Variants in SLC36A1 observed in about 807,000 individuals in gnomAD.
SLC36A1 encodes the protein solute carrier family 36 member 1.
In SLC36A1, 30 loss-of-function variants were observed where a neutral mutation model predicts 47.5. That is an observed-to-expected ratio of 0.63 (90% CI 0.47 to 0.86). The LOEUF is 0.86. Ranked by LOEUF, SLC36A1 falls within the 40% of genes least tolerant of loss-of-function variation. The pLI, the probability that SLC36A1 is intolerant of heterozygous loss-of-function variation, is 0.00. For missense variants in SLC36A1, 517 were observed against 606.0 expected (o/e 0.85, Z 1.54); for synonymous variants, 255 against 249.7 (o/e 1.02, Z -0.20).
chr5:151,480,133 A>AT (rs1297645055), intron 10 of SLC36A1: 37 of 1,447,316 alleles, frequency 2.6e-5, no homozygotes, highest in East Asian at 5.1e-5. Context: ...ATAAAAGTAA[A>AT]TTTTTTTTGT....
At chr5:151,350,640 A>AG in the SLC36A1 span, among the ~76,000 whole-genome samples, 3 of 152,148 alleles carry the variant, frequency 2.0e-5, no homozygotes, top group Admixed American at 2.0e-4. Flanking sequence ...CCATTAAAAA[A>AG]AAGAGAATAT....
At chr5:151,476,940 A>G in intron 9 of SLC36A1, 184 bp downstream of exon 9, 1 of 769,170 alleles carries the variant, frequency 1.3e-6, no homozygotes, top group Non-Finnish European at 2.2e-6. Flanking sequence ...GAATTCATGT[A>G]GAGCCTTCTG....
At chr5:151,470,318 C>T (rs941243285) in intron 7 of SLC36A1, among the ~76,000 whole-genome samples, 1 of 152,300 alleles carries the variant, frequency 6.6e-6, no homozygotes, top group East Asian at 1.9e-4. Context: ...TGCAGGTAGT[C>T]GGGCTGTGGT....
chr5:151,399,084 A>ATATATATTTTTTTTTT, the SLC36A1 span, among the ~76,000 whole-genome samples: 2 of 60,066 alleles, frequency 3.3e-5, no homozygotes, highest in African/African-American at 5.6e-5. Context: ...ATATATATAT[A>ATATATATTTTTTTTTT]TTTTTTTTTT....
chr5:151,372,191 G>C, the SLC36A1 span, among the ~76,000 whole-genome samples: 1 of 152,134 alleles, frequency 6.6e-6, no homozygotes, highest in Non-Finnish European at 1.5e-5. Context: ...TCTCTCAGTT[G>C]TTGTCCTGGT....
At chr5:151,528,306 G>C in the SLC36A1 span, among the ~76,000 whole-genome samples, 1 of 152,154 alleles carries the variant, frequency 6.6e-6, no homozygotes, top group South Asian at 2.1e-4. Flanking sequence ...GTGGACTTCA[G>C]CATGCCATGG....
the SLC36A1 span, among the ~76,000 whole-genome samples, chr5:151,514,928 T>C: frequency 6.6e-6 from 1 of 152,238 alleles, no homozygotes; most frequent in African/African-American, 2.4e-5. Flanking sequence ...CATGGTGTTA[T>C]TGCTCTAATC....
At chr5:151,369,890 A>T in the SLC36A1 span, among the ~76,000 whole-genome samples, 2 of 152,046 alleles carry the variant, frequency 1.3e-5, no homozygotes, top group African/African-American at 4.8e-5. Flanking sequence ...CGCCTCCCAG[A>T]TTCAAGCCAT....
intron 3 of SLC36A1, among the ~76,000 whole-genome samples, 155 bp from the exon 4 acceptor site, chr5:151,464,359 G>C (rs1341672084): frequency 6.6e-6 from 1 of 152,182 alleles, no homozygotes; most frequent in African/African-American, 2.4e-5. Context: ...TAATCTCCAT[G>C]ATCACGTTTC....
chr5:151,415,346 T>C, the SLC36A1 span, among the ~76,000 whole-genome samples: 1 of 152,118 alleles, frequency 6.6e-6, no homozygotes, highest in Non-Finnish European at 1.5e-5. Context: ...CACTGAGTGG[T>C]TCGACTCCTG....
the SLC36A1 span, among the ~76,000 whole-genome samples, chr5:151,508,004 A>G: frequency 2.3e-3 from 349 of 152,312 alleles, 1 homozygote; most frequent in African/African-American, 7.6e-3. Flanking sequence ...GCCAGGCACC[A>G]ATGTTCCCTG....
At chr5:151,351,182 C>A in the SLC36A1 span, among the ~76,000 whole-genome samples, 3 of 152,062 alleles carry the variant, frequency 2.0e-5, no homozygotes, top group Admixed American at 2.0e-4. Context: ...CTTACAAGGT[C>A]ATTTCGTTGA....
At chr5:151,404,962 A>G in the SLC36A1 span, among the ~76,000 whole-genome samples, 23 of 152,206 alleles carry the variant, frequency 1.5e-4, no homozygotes, top group Non-Finnish European at 8.8e-5. Context: ...GGAAATTTTC[A>G]TTGACTATGT....
the SLC36A1 span, among the ~76,000 whole-genome samples, chr5:151,500,612 A>G: frequency 6.6e-6 from 1 of 152,110 alleles, no homozygotes; most frequent in Non-Finnish European, 1.5e-5. Flanking sequence ...AGGTGATCCA[A>G]CCACCTCGGC....
At chr5:151,546,027 A>G in the SLC36A1 span, 1 of 1,614,196 alleles carries the variant, frequency 6.2e-7, no homozygotes, top group Admixed American at 1.7e-5. Flanking sequence ...AGAAGACTCC[A>G]TCCTTATTTC....
chr5:151,411,619 G>A, the SLC36A1 span, among the ~76,000 whole-genome samples: 1 of 144,812 alleles, frequency 6.9e-6, no homozygotes, highest in African/African-American at 2.5e-5. Flanking sequence ...CCTAATGGGG[G>A]TCCACCCCTG....
At chr5:151,413,100 C>T in the SLC36A1 span, among the ~76,000 whole-genome samples, 3 of 150,298 alleles carry the variant, frequency 2.0e-5, no homozygotes, top group East Asian at 2.0e-4. Flanking sequence ...GATTTGTTCA[C>T]GGCTGTATTA....
At chr5:151,521,148 G>T in the SLC36A1 span, 3 of 872,832 alleles carry the variant, frequency 3.4e-6, no homozygotes, top group Non-Finnish European at 5.1e-6. Flanking sequence ...TATGGTGATT[G>T]GTGGCCTTTG....
chr5:151,510,158 A>G, the SLC36A1 span: 1 of 1,614,020 alleles, frequency 6.2e-7, no homozygotes, highest in Non-Finnish European at 8.5e-7. Flanking sequence ...ACTGTGGGGG[A>G]CATTTGCAGA....
Sources: allele counts gnomAD v4.1 joint callset (sites outside exome capture counted in the v4.1 genomes callset), GRCh38; gene constraint gnomAD v4.1.1; transcripts MANE v1.5; gene names NCBI Gene and HGNC (gene_info 2026-07-23, HGNC 2026-07-21).